C8orf58: variants seen among roughly 807,000 people sequenced by gnomAD.
C8orf58 encodes the protein uncharacterized protein C8orf58.
A neutral mutation model predicts 36.8 loss-of-function variants in C8orf58; 31 were observed. That is an observed-to-expected ratio of 0.84 (90% CI 0.63 to 1.14). The LOEUF (loss-of-function observed/expected upper bound fraction) is 1.14. Ranked by LOEUF, C8orf58 falls within the 50% of genes most tolerant of loss-of-function variation. C8orf58 has a pLI of 0.00. For synonymous variants in C8orf58, 230 were observed against 200.2 expected (o/e 1.15, Z -1.26); for missense variants, 538 against 480.8 (o/e 1.12, Z -1.11).
rs778543618 is a variant in C8orf58 at position 22,601,738 on chromosome 8, G to C, written c.543G>C (p.Trp181Cys). 3 of 1,611,204 alleles carry C rather than the reference G, an allele frequency of 1.9e-6. No individual in the cohort carries two copies. Among genetic ancestry groups the C allele is most frequent in the Admixed American group, 1.7e-5 (1 of 59,762 alleles). The change falls in exon 3 of 7, where the codon TGG becomes TGC. Residue 181 changes from tryptophan to cysteine, a missense_variant. Transcript: ENST00000289989. The part of the protein sequence containing the change: ...EAVGGLGPGA[W>C]ACLPGQGLRY... ...TGGGGGGCCTGGGGCCTGGAGCCTG[G>C]GCCTGCCTCCCCGGGCAGGGTCTTC...
At position 22,601,714 on chromosome 8, in the gene C8orf58, G is replaced by T. The variant is rs530414257; in HGVS notation, c.519G>T (p.Val173=). Residue 173 remains valine, a splice_region_variant and synonymous_variant, in exon 3 of 7, where the codon GTG becomes GTT. Transcript: ENST00000289989. ...CCCTATCTCACAATGTCCCACAGGT[G>T]GGGGGCCTGGGGCCTGGAGCCTGGG... ...DLEAGLEEEA[V]GGLGPGAWAC... is the part of the protein sequence containing the mutation. 1.6e-5 allele frequency: 26 copies of T among 1,606,260 alleles called. No homozygotes were observed. The East Asian group carries it at 2.7e-4, about 17-fold the overall frequency.
Position 22,603,293 on chromosome 8 carries a change from T to C in C8orf58, c.1085T>C (p.Leu362Pro), listed in dbSNP as rs1208605043. 4 of 1,613,438 alleles carry C rather than the reference T, an allele frequency of 2.5e-6. No individual in the cohort carries two copies. The highest frequency in any genetic ancestry group is 3.4e-6 in the Non-Finnish European group (4 of 1,179,538). Residue 362 changes from leucine (L) to proline (P), a missense_variant, in exon 7 of 7, where the codon CTT (leucine) becomes CCT (proline). By Grantham distance (98) the Leu-to-Pro change is moderately conservative. Transcript: ENST00000289989. ...LVVKKQRAKN[L>P]SVG ...GTTAAGAAGCAACGAGCAAAAAACC[T>C]TTCTGTAGGCTGAGACCTCTCGGTG...
chr8:22,601,198 G>C lies in C8orf58; in HGVS notation c.357G>C (p.Glu119Asp). 6.2e-7 allele frequency: 1 copy of C among 1,608,990 alleles called. No homozygotes were observed. Among genetic ancestry groups the C allele is most frequent in the Non-Finnish European group, 8.5e-7 (1 of 1,178,468 alleles). ...LASQKLGEVL[E>D]RSRRLPTAPT... ...GCCAGAAGCTGGGGGAGGTGTTGGA[G>C]CGGTCCCGCCGGCTCCCAACAGCTC... The change falls in exon 2 of 7, where the codon GAG becomes GAC. Residue 119 changes from glutamate (E) to aspartate (D), a missense_variant. Transcript: ENST00000289989.
rs1800792739 is a variant in C8orf58 at position 22,599,652 on chromosome 8, G to A, written c.-69G>A. The A allele has an allele frequency of 4.4e-6, 4 of 918,510 alleles. No homozygotes were observed. The highest frequency in any genetic ancestry group is 5.6e-6 in the Non-Finnish European group (4 of 714,006). 56.9% of individuals were successfully genotyped at this position (918,510 alleles called of 1,614,324 possible). The stretch of plus-strand genomic sequence containing the variant: ...GGGACGCGCTCCCTGAGCTGCCCGA[G>A]CTCCGCGGGGACTCGGGCCGGGATC... On this transcript the variant is annotated 5_prime_UTR_variant, in exon 1 of 7. Coordinates refer to ENST00000289989, the MANE Select transcript of C8orf58 (RefSeq NM_001013842.3).
At position 22,601,811 on chromosome 8, in the gene C8orf58, C is replaced by T. The variant is rs759282530; in HGVS notation, c.616C>T (p.Gln206Ter). Residue 206 changes from glutamine (Q) to a stop codon, truncating the protein, a stop_gained, in exon 3 of 7, where the codon CAG (glutamine) becomes TAG (stop). Coordinates refer to ENST00000289989, the MANE Select transcript of C8orf58 (RefSeq NM_001013842.3). LOFTEE classifies it high-confidence loss of function. ...CLVLEQMARL[Q>*]QLYLQLRIQR... The stretch of plus-strand genomic sequence containing the variant: ...GGTGCTGGAGCAGATGGCAAGGCTC[C>T]AGCAGCTCTACCTGCAGCTGCGGAT... 6.2e-7 allele frequency: 1 copy of T among 1,612,102 alleles called. No homozygotes were observed. Among genetic ancestry groups the T allele is most frequent in the Non-Finnish European group, 8.5e-7 (1 of 1,179,652 alleles).
At position 22,599,692 on chromosome 8, in the gene C8orf58, T is replaced by C. The variant is rs755934; in HGVS notation, c.-29T>C. On this transcript the variant is annotated 5_prime_UTR_variant, in exon 1 of 7. Coordinates refer to ENST00000289989, the MANE Select transcript of C8orf58 (RefSeq NM_001013842.3). ...GGGCCGGGATCCTCGGGCGGCTGCA[T>C]TGGCCGGGGCCGGGGCCGGGAGCGG... The C allele has an allele frequency of 2.2e-5, 26 of 1,189,528 alleles. No individual in the cohort carries two copies. The highest frequency in any genetic ancestry group is 3.4e-5 in the East Asian group (1 of 29,268). The allele number at this position is 1,189,528 out of a possible 1,614,324, so 73.7% of individuals were successfully genotyped here.
rs771467426 is a variant in C8orf58 at position 22,601,217 on chromosome 8, A to G, written c.376A>G (p.Thr126Ala). ...GTTGGAGCGGTCCCGCCGGCTCCCA[A>G]CAGCTCCCACCAGCTTGTCAGGACA... ...EVLERSRRLPTAPTSLSGQHR... is the reference protein window; with the variant it reads ...EVLERSRRLPAAPTSLSGQHR... Residue 126 changes from threonine (T) to alanine (A), a missense_variant, in exon 2 of 7, where the codon ACA (threonine) becomes GCA (alanine). Coordinates refer to ENST00000289989, the MANE Select transcript of C8orf58 (RefSeq NM_001013842.3). 3.7e-6 allele frequency: 6 copies of G among 1,609,852 alleles called. No homozygotes were observed. In the Admixed American group the frequency reaches 5.0e-5, roughly 13 times the overall value.
intron 1 of C8orf58, chr8:22,600,503 G>T (rs1412808433): frequency 1.3e-5 from 3 of 236,234 alleles, no homozygotes; most frequent in Non-Finnish European, 2.5e-5. Flanking sequence ...CCTGAAGCTG[G>T]ATACAGTCCT....
chr8:22,602,728 A>T (rs1326960068), intron 6 of C8orf58, 85 bp downstream of exon 6: 2 of 914,754 alleles, frequency 2.2e-6, no homozygotes, highest in Non-Finnish European at 1.7e-6. Context: ...AGTTGTCATT[A>T]TTGTCCCCGC....
rs760156516 is a variant in C8orf58, at chr8:22,602,736, C to T, written c.986+93C>T. On this transcript the variant is annotated intron_variant, in intron 6 of 6. Transcript: ENST00000289989. ...TCATGCCAGTTGTCATTATTGTCCC[C>T]GCAAAACTTGAGAGGCAGTCTGGGA... is the stretch of plus-strand genomic sequence containing the variant. 255 of 858,752 alleles carry T rather than the reference C, an allele frequency of 3.0e-4. 1 individual carries two copies. The highest frequency in any genetic ancestry group is 1.1e-3 in the East Asian group (43 of 39,578). The allele number at this position is 858,752 out of a possible 1,614,324, so 53.2% of individuals were successfully genotyped here.
At chr8:22,602,138 C>G (rs542280057) in intron 4 of C8orf58, 58 bp downstream of exon 4, 2 of 1,552,162 alleles carry the variant, frequency 1.3e-6, no homozygotes, top group African/African-American at 2.7e-5. Flanking sequence ...CCAGCAGGTC[C>G]TCTGAGCCGA....
Position 22,600,865 on chromosome 8 carries a change from G to A in C8orf58, c.41-17G>A, listed in dbSNP as rs767622420. ...TTGGGGGTGGCCTGCCCAGCCTGACGCTGACTCTCCATGCAGATGGGGCTG... is the reference window on the plus strand; with the variant it reads ...TTGGGGGTGGCCTGCCCAGCCTGACACTGACTCTCCATGCAGATGGGGCTG... On this transcript the variant is annotated splice_polypyrimidine_tract_variant and intron_variant, in intron 1 of 6. Coordinates refer to ENST00000289989, the MANE Select transcript of C8orf58 (RefSeq NM_001013842.3). 6.3e-6 allele frequency: 10 copies of A among 1,578,874 alleles called. No individual in the cohort carries two copies. The highest frequency in any genetic ancestry group is 2.7e-5 in the African/African-American group (2 of 74,542).
At chr8:22,601,399 C>G (rs981488265) in intron 2 of C8orf58, 42 bp downstream of exon 2, 1 of 1,429,350 alleles carries the variant, frequency 7.0e-7, no homozygotes, top group Non-Finnish European at 9.4e-7. Flanking sequence ...GTGGGATGGA[C>G]AGCCTAGCTC....
intron 1 of C8orf58, chr8:22,600,554 A>C (rs1341628533): frequency 1.5e-5 from 5 of 329,000 alleles, no homozygotes; most frequent in Non-Finnish European, 2.3e-5. Flanking sequence ...GTGGCTCCCT[A>C]CTTCTGACTC....
chr8:22,602,736 C>A, intron 6 of C8orf58, 93 bp downstream of exon 6: 1 of 858,870 alleles, frequency 1.2e-6, no homozygotes, highest in South Asian at 1.7e-5. Flanking sequence ...TTATTGTCCC[C>A]GCAAAACTTG....
intron 1 of C8orf58, 58 bp downstream of exon 1, chr8:22,599,818 C>T: frequency 1.2e-6 from 1 of 835,544 alleles, no homozygotes; most frequent in Non-Finnish European, 1.6e-6. Context: ...CCGCTTCCCG[C>T]CCCCAAGCCG....
chr8:22,602,577 AC>A lies in C8orf58; in HGVS notation c.922del (p.Arg308GlyfsTer45), dbSNP rs1378600351. ...SHWDKVKVLLNRICRRSHHHP... is the reference protein window; with the variant it reads ...SHWDKVKVLLXRICRRSHHHP... Reference sequence around the variant, plus strand: ...TGGGACAAGGTCAAGGTCCTGCTCAACCGGATCTGCCGGAGAAGCCACCACC... The same window carrying A: ...TGGGACAAGGTCAAGGTCCTGCTCAACGGATCTGCCGGAGAAGCCACCACC... On this transcript the variant is annotated frameshift_variant, in exon 6 of 7. Coordinates refer to ENST00000289989, the MANE Select transcript of C8orf58 (RefSeq NM_001013842.3). LOFTEE classifies it high-confidence loss of function. 1 of 1,587,154 alleles carries A rather than the reference AC, an allele frequency of 6.3e-7. No homozygotes were observed. The highest frequency in any genetic ancestry group is 8.6e-7 in the Non-Finnish European group (1 of 1,163,586).
At position 22,601,171 on chromosome 8, in the gene C8orf58, C is replaced by T. The variant is rs764804889; in HGVS notation, c.330C>T (p.Ala110=). 31 of 1,610,010 alleles carry T rather than the reference C, an allele frequency of 1.9e-5. No homozygotes were observed. The highest frequency in any genetic ancestry group is 2.5e-5 in the Non-Finnish European group (30 of 1,178,816). The change falls in exon 2 of 7, where the codon GCC becomes GCT. Residue 110 remains alanine, a synonymous_variant. Coordinates refer to ENST00000289989, the MANE Select transcript of C8orf58 (RefSeq NM_001013842.3). ...EPPAQVGRLL[A]SQKLGEVLER... is the part of the protein sequence containing the mutation. Reference sequence around the variant, plus strand: ...CCGCCCAGGTAGGCCGACTCCTGGCCAGCCAGAAGCTGGGGGAGGTGTTGG... The same window carrying T: ...CCGCCCAGGTAGGCCGACTCCTGGCTAGCCAGAAGCTGGGGGAGGTGTTGG...
At chr8:22,602,937 T>G (rs1437848512) in intron 6 of C8orf58, 3 of 589,434 alleles carry the variant, frequency 5.1e-6, no homozygotes, top group Non-Finnish European at 9.0e-6. Flanking sequence ...CCCTCAATGC[T>G]GACATTTAGG....
Sources: allele counts gnomAD v4.1 joint callset, GRCh38; gene constraint gnomAD v4.1.1; transcripts MANE v1.5; gene names NCBI Gene and HGNC (gene_info 2026-07-23, HGNC 2026-07-21).